Variants in FTCDNL1 observed in about 807,000 individuals in gnomAD.
The protein encoded by FTCDNL1 is formiminotransferase N-terminal subdomain-containing protein.
Under a neutral mutation model 5.9 loss-of-function variants are expected in FTCDNL1, and 11 were observed. The ratio of observed to expected loss-of-function variants is 1.87; its 90% CI spans 1.18 to 3.10. FTCDNL1 has a LOEUF of 3.10. FTCDNL1 is among the 30% of genes most tolerant of loss of function. The pLI, the probability that FTCDNL1 is intolerant of heterozygous loss-of-function variation, is 0.00. For missense variants in FTCDNL1, 115 were observed against 65.5 expected (o/e 1.76, Z -2.61); for synonymous variants, 58 against 24.8 (o/e 2.34, Z -3.99).
chr2:199,764,601 CTGAG>C (rs1339844498), intron 3 of FTCDNL1, among the ~76,000 whole-genome samples: 1 of 152,290 alleles, frequency 6.6e-6, no homozygotes, highest in Admixed American at 6.5e-5. Flanking sequence ...AAGTTGCTTT[CTGAG>C]TAAGTGCAGG....
the FTCDNL1 span, among the ~76,000 whole-genome samples, chr2:199,735,115 GAAAAAAAA>G: frequency 1.2e-5 from 1 of 81,600 alleles, no homozygotes; most frequent in Non-Finnish European, 2.4e-5. Flanking sequence ...ACTACCTTTA[GAAAAAAAA>G]AAAAAAAAAA....
intron 3 of FTCDNL1, among the ~76,000 whole-genome samples, chr2:199,835,295 A>C (rs905766809): frequency 1.3e-5 from 2 of 152,236 alleles, no homozygotes; most frequent in Non-Finnish European, 2.9e-5. Flanking sequence ...CGGGGAAAAG[A>C]AAAGCACAAC....
At chr2:199,834,327 T>C (rs2106596357) in intron 3 of FTCDNL1, among the ~76,000 whole-genome samples, 1 of 152,254 alleles carries the variant, frequency 6.6e-6, no homozygotes, top group South Asian at 2.1e-4. Context: ...TAAATCTCTG[T>C]GGTTTAAGCC....
chr2:199,668,734 C>T, the FTCDNL1 span, among the ~76,000 whole-genome samples: 4 of 151,952 alleles, frequency 2.6e-5, no homozygotes, highest in Non-Finnish European at 2.9e-5. Context: ...CTGAAGTAGT[C>T]GTGAGTAACT....
chr2:199,821,266 C>T (rs1394339685), intron 3 of FTCDNL1, among the ~76,000 whole-genome samples: 2 of 151,604 alleles, frequency 1.3e-5, no homozygotes, highest in Admixed American at 1.3e-4. Context: ...TCTCCTGCCT[C>T]AGCCCACCAT....
At chr2:199,666,335 T>C in the FTCDNL1 span, among the ~76,000 whole-genome samples, 2 of 152,206 alleles carry the variant, frequency 1.3e-5, no homozygotes, top group African/African-American at 4.8e-5. Context: ...CCCCTGAGTC[T>C]AAGCAATCAA....
chr2:199,792,803 G>T (rs913982949), intron 3 of FTCDNL1, among the ~76,000 whole-genome samples: 1 of 151,952 alleles, frequency 6.6e-6, no homozygotes, highest in African/African-American at 2.4e-5. Flanking sequence ...TGCAACCTTT[G>T]TATCCAAAGC....
At chr2:199,741,129 T>C in the FTCDNL1 span, among the ~76,000 whole-genome samples, 1 of 152,158 alleles carries the variant, frequency 6.6e-6, no homozygotes, top group Non-Finnish European at 1.5e-5. Flanking sequence ...AGTTAATAAG[T>C]AGAAGACAGC....
chr2:199,711,801 TC>T, the FTCDNL1 span, among the ~76,000 whole-genome samples: 1 of 152,196 alleles, frequency 6.6e-6, no homozygotes, highest in Admixed American at 6.5e-5. Flanking sequence ...GGGATGGGCT[TC>T]CAATTCCTGG....
intron 3 of FTCDNL1, among the ~76,000 whole-genome samples, chr2:199,840,349 A>C (rs564462335): frequency 6.6e-6 from 1 of 152,358 alleles, no homozygotes; most frequent in East Asian, 1.9e-4. Flanking sequence ...AATGTTCTAA[A>C]TGATTCATTG....
the FTCDNL1 span, among the ~76,000 whole-genome samples, chr2:199,744,919 C>T: frequency 1.3e-5 from 2 of 152,250 alleles, no homozygotes; most frequent in African/African-American, 4.8e-5. Context: ...GCCCGTTCCT[C>T]GCAAAGGCCT....
intron 3 of FTCDNL1, among the ~76,000 whole-genome samples, chr2:199,843,878 C>T (rs932577752): frequency 1.3e-5 from 2 of 152,008 alleles, no homozygotes; most frequent in Non-Finnish European, 2.9e-5. Flanking sequence ...ATTAACCTTA[C>T]CCCTGGGGCT....
chr2:199,737,451 A>C, the FTCDNL1 span, among the ~76,000 whole-genome samples: 1 of 152,336 alleles, frequency 6.6e-6, no homozygotes, highest in Non-Finnish European at 1.5e-5. Context: ...TTCATTTGTC[A>C]ATAAATATTT....
rs1023537118 is a variant in FTCDNL1 at position 199,846,096 on chromosome 2, C to T, written c.190G>A (p.Ala64Thr). 4.2e-5 allele frequency: 29 copies of T among 696,954 alleles called. No individual in the cohort carries two copies. Among genetic ancestry groups the T allele is most frequent in the Non-Finnish European group, 7.3e-5 (28 of 382,904 alleles). The allele number at this position is 696,954 out of a possible 1,614,324, so 43.2% of individuals were successfully genotyped here. A position where few individuals can be genotyped will look rare whatever the true frequency, so the allele number is the denominator to read the frequency against. Reference sequence around the variant, plus strand: ...TTACCCAACTTATCAACAGAAGTTGCTATTGTAATGACTGATCTCTTGTAG... The same window carrying T: ...TTACCCAACTTATCAACAGAAGTTGTTATTGTAATGACTGATCTCTTGTAG... ...QDYKRSVITI[A>T]TSVDKLGLAE... Residue 64 changes from alanine (A) to threonine (T), a missense_variant, in exon 3 of 5, where the codon GCA becomes ACA. Transcript: ENST00000420128.
At chr2:199,717,571 C>T in the FTCDNL1 span, among the ~76,000 whole-genome samples, 1 of 119,654 alleles carries the variant, frequency 8.4e-6, no homozygotes, top group East Asian at 2.8e-4. Context: ...GCCTCTGCTG[C>T]TTTCATTTCA....
chr2:199,829,376 A>T (rs1271988870), intron 3 of FTCDNL1, among the ~76,000 whole-genome samples: 1 of 152,156 alleles, frequency 6.6e-6, no homozygotes, highest in Non-Finnish European at 1.5e-5. Flanking sequence ...ATTTTTAGTC[A>T]TTTCTAAATA....
At chr2:199,770,578 T>C (rs1048320936) in intron 3 of FTCDNL1, among the ~76,000 whole-genome samples, 11 of 152,212 alleles carry the variant, frequency 7.2e-5, no homozygotes, top group Non-Finnish European at 1.6e-4. Context: ...CCTGGTGAAA[T>C]ACAATTTTCC....
the FTCDNL1 span, among the ~76,000 whole-genome samples, chr2:199,746,338 A>G: frequency 6.6e-6 from 1 of 152,218 alleles, no homozygotes; most frequent in African/African-American, 2.4e-5. Context: ...TTTAATTCCA[A>G]GAAACTCATC....
chr2:199,768,268 A>G (rs1523816), intron 3 of FTCDNL1, among the ~76,000 whole-genome samples: 106,916 of 152,066 alleles, frequency 0.7, 38,587 homozygotes, highest in East Asian at 0.95. Flanking sequence ...TTTGCATGCC[A>G]AAAAATTCTT....
Sources: allele counts gnomAD v4.1 joint callset (sites outside exome capture counted in the v4.1 genomes callset), GRCh38; gene constraint gnomAD v4.1.1; transcripts MANE v1.5; gene names NCBI Gene and HGNC (gene_info 2026-07-23, HGNC 2026-07-21).